CUL5: variants seen among roughly 807,000 people sequenced by gnomAD.
CUL5 encodes cullin-5.
CUL5 carries 26 observed loss-of-function variants against 108.8 expected under a neutral mutation model. The ratio of observed to expected loss-of-function variants is 0.24; its 90% confidence interval spans 0.18 to 0.33. The LOEUF is 0.33. CUL5 is among the 10% of genes least tolerant of loss of function. The pLI is 1.00. For synonymous variants in CUL5, 334 were observed against 298.0 expected, an observed-to-expected ratio of 1.12 and a Z score of -1.25; for missense variants, 524 against 909.2, an observed-to-expected ratio of 0.58 and a Z score of 5.45.
chr11:108,016,928 T>C (rs3908131), intron 1 of CUL5, among the ~76,000 whole-genome samples: 38,840 of 152,068 alleles, frequency 0.26, 5,489 homozygotes, highest in African/African-American at 0.36. Context: ...AGTTGGAGAC[T>C]AGATTGGGCA....
intron 1 of CUL5, among the ~76,000 whole-genome samples, chr11:108,026,089 G>A (rs532910972): frequency 1.3e-5 from 2 of 152,122 alleles, no homozygotes; most frequent in South Asian, 2.1e-4. Flanking sequence ...CATTTTCTCC[G>A]CCTTACCCAA....
At chr11:108,017,217 G>A (rs1862217505) in intron 1 of CUL5, among the ~76,000 whole-genome samples, 2 of 151,808 alleles carry the variant, frequency 1.3e-5, no homozygotes, top group South Asian at 2.1e-4. Flanking sequence ...GGTGAAACTC[G>A]TCTCTACAAA....
intron 7 of CUL5, among the ~76,000 whole-genome samples, chr11:108,058,885 G>C (rs552315345): frequency 2.0e-3 from 299 of 152,260 alleles, no homozygotes; most frequent in Non-Finnish European, 3.5e-3. Context: ...GAAATGTATT[G>C]AATGTATTTA....
chr11:108,010,704 T>A (rs1029793532), intron 1 of CUL5, among the ~76,000 whole-genome samples: 1 of 152,196 alleles, frequency 6.6e-6, no homozygotes, highest in Non-Finnish European at 1.5e-5. Flanking sequence ...CTACTCCCCC[T>A]CTTTCTTTAA....
chr11:108,042,448 C>G (rs1253841365), intron 2 of CUL5, among the ~76,000 whole-genome samples: 3 of 152,046 alleles, frequency 2.0e-5, no homozygotes, highest in African/African-American at 7.2e-5. Flanking sequence ...TCCTGAACAC[C>G]TGGCCTCCAG....
At chr11:108,098,594 A>G in intron 18 of CUL5, 65 bp downstream of exon 18, 2 of 1,184,190 alleles carry the variant, frequency 1.7e-6, no homozygotes, top group Non-Finnish European at 2.2e-6. Context: ...TTTTTTTTAA[A>G]TTTTGAAATC....
chr11:108,046,956 CTT>C (rs1863083262), intron 3 of CUL5, among the ~76,000 whole-genome samples: 1 of 152,092 alleles, frequency 6.6e-6, no homozygotes, highest in African/African-American at 2.4e-5. Context: ...CACGGCCTCT[CTT>C]ATGAATAAAT....
chr11:108,097,669 G>C lies in CUL5; in HGVS notation c.1939G>C (p.Val647Leu). ...AGCTTTCCCAAAACTCAAACGGCAAGTTTTGTTGTATGAACCTCAAGTCAA... is the reference window on the plus strand; with the variant it reads ...AGCTTTCCCAAAACTCAAACGGCAACTTTTGTTGTATGAACCTCAAGTCAA... ...LVAFPKLKRQ[V>L]LLYEPQVNSP... is the part of the protein sequence containing the mutation. The change falls in exon 17 of 19, where the codon GTT becomes CTT. Residue 647 changes from valine (V) to leucine (L), a missense_variant. Transcript: ENST00000393094. 6.2e-7 allele frequency: 1 copy of C among 1,613,592 alleles called. No individual in the cohort carries two copies. Among genetic ancestry groups the C allele is most frequent in the Non-Finnish European group, 8.5e-7 (1 of 1,179,672 alleles).
intron 5 of CUL5, 125 bp downstream of exon 5, chr11:108,052,926 C>CT: frequency 1.4e-6 from 1 of 702,536 alleles, no homozygotes; most frequent in Non-Finnish European, 2.2e-6. Flanking sequence ...GTACTAGATA[C>CT]TTTTTTTGAG....
At chr11:108,027,366 G>A (rs1300583598) in intron 1 of CUL5, among the ~76,000 whole-genome samples, 1 of 151,870 alleles carries the variant, frequency 6.6e-6, no homozygotes, top group Admixed American at 6.6e-5. Context: ...CCGCCTCCCA[G>A]GTTCAAGCAA....
chr11:108,090,026 TG>T (rs1864312630), intron 13 of CUL5, among the ~76,000 whole-genome samples: 1 of 118,044 alleles, frequency 8.5e-6, no homozygotes, highest in Non-Finnish European at 1.9e-5. Flanking sequence ...GGTAACAGAG[TG>T]GGACTCCATT....
At chr11:108,069,280 CA>C (rs751412096) in intron 7 of CUL5, among the ~76,000 whole-genome samples, 1 of 151,898 alleles carries the variant, frequency 6.6e-6, no homozygotes, top group African/African-American at 2.4e-5. Context: ...CTTAAACAAA[CA>C]AAAAAACCTT....
intron 1 of CUL5, among the ~76,000 whole-genome samples, chr11:108,014,439 A>G (rs1029577762): frequency 2.0e-5 from 3 of 152,248 alleles, no homozygotes; most frequent in Admixed American, 6.5e-5. Flanking sequence ...AGTGCTAGGC[A>G]AGGGGTTTGA....
chr11:108,027,946 G>A (rs1201864714), intron 1 of CUL5, among the ~76,000 whole-genome samples: 2 of 152,082 alleles, frequency 1.3e-5, no homozygotes, highest in Non-Finnish European at 2.9e-5. Flanking sequence ...TGCTCTGGTT[G>A]CTCTCTTTGT....
At chr11:108,035,849 C>T (rs1862727081) in intron 2 of CUL5, among the ~76,000 whole-genome samples, 1 of 152,072 alleles carries the variant, frequency 6.6e-6, no homozygotes, top group South Asian at 2.1e-4. Flanking sequence ...AGCCCAGTAG[C>T]AGAGTGTCAG....
intron 7 of CUL5, among the ~76,000 whole-genome samples, chr11:108,065,085 G>A (rs980137703): frequency 6.6e-5 from 10 of 152,030 alleles, no homozygotes; most frequent in African/African-American, 2.4e-4. Context: ...GAGTGCAGTG[G>A]CATGATCTCG....
intron 1 of CUL5, among the ~76,000 whole-genome samples, chr11:108,027,381 C>T (rs1311051481): frequency 1.3e-5 from 2 of 152,066 alleles, no homozygotes; most frequent in Non-Finnish European, 2.9e-5. Context: ...AAGCAATTCT[C>T]CCACCTCAGC....
Position 108,054,712 on chromosome 11 carries a change from T to C in CUL5, c.619T>C (p.Leu207=), listed in dbSNP as rs767739701. Reference sequence around the variant, plus strand: ...TAGGGACAATTTTGAGAAGGCATACTTGGATTCAACAGAGAGATTTTATAG... The same window carrying C: ...TAGGGACAATTTTGAGAAGGCATACCTGGATTCAACAGAGAGATTTTATAG... ...IYRDNFEKAY[L]DSTERFYRTQ... is the part of the protein sequence containing the mutation. Residue 207 remains leucine (L), a synonymous_variant, in exon 6 of 19, where the codon TTG becomes CTG. Coordinates refer to ENST00000393094, the MANE Select transcript of CUL5 (RefSeq NM_003478.6). The C allele has an allele frequency of 1.2e-6, 2 of 1,610,244 alleles. No individual in the cohort carries two copies. Among genetic ancestry groups the C allele is most frequent in the Non-Finnish European group, 1.7e-6 (2 of 1,176,878 alleles).
intron 13 of CUL5, 74 bp from the exon 14 acceptor site, chr11:108,094,317 C>A: frequency 9.1e-7 from 1 of 1,095,140 alleles, no homozygotes; most frequent in Non-Finnish European, 1.3e-6. Context: ...CTTAGTTTTT[C>A]TATTAAAATT....
Sources: gnomAD v4.1 joint callset for allele counts (sites outside exome capture counted in the v4.1 genomes callset) on GRCh38, gnomAD v4.1.1 for gene constraint, MANE v1.5 for transcripts, NCBI Gene and HGNC (gene_info 2026-07-23, HGNC 2026-07-21) for gene names.